ITGA8: variants seen among roughly 807,000 people sequenced by gnomAD.
ITGA8 encodes integrin alpha-8.
In ITGA8, 91 loss-of-function variants were observed where a neutral mutation model predicts 142.3. The ratio of observed to expected loss-of-function variants is 0.64; its 90% CI spans 0.54 to 0.76. The LOEUF is 0.76. Ranked by LOEUF, ITGA8 falls within the 30% of genes least tolerant of loss-of-function variation. ITGA8 has a pLI of 0.00. For synonymous variants in ITGA8, 505 were observed against 485.2 expected (o/e 1.04, Z -0.54); for missense variants, 1,406 against 1,327.7 (o/e 1.06, Z -0.92).
intron 13 of ITGA8, among the ~76,000 whole-genome samples, chr10:15,635,258 A>G (rs1375470105): frequency 6.6e-6 from 1 of 151,756 alleles, no homozygotes; most frequent in Non-Finnish European, 1.5e-5. Flanking sequence ...GCCCGCCTCA[A>G]CCTCCAAAAG....
At chr10:15,610,416 C>T (rs1375446721) in intron 15 of ITGA8, among the ~76,000 whole-genome samples, 1 of 152,126 alleles carries the variant, frequency 6.6e-6, no homozygotes, top group Non-Finnish European at 1.5e-5. Context: ...AAGCTGTAAA[C>T]TTTCATTAAA....
At chr10:15,538,087 C>T (rs1348771554) in intron 27 of ITGA8, among the ~76,000 whole-genome samples, 2 of 152,114 alleles carry the variant, frequency 1.3e-5, no homozygotes, top group African/African-American at 2.4e-5. Flanking sequence ...GATGTGATTG[C>T]ACCACTGCAC....
intron 25 of ITGA8, among the ~76,000 whole-genome samples, chr10:15,570,041 C>G (rs748625405): frequency 1.5e-4 from 23 of 152,092 alleles, no homozygotes; most frequent in Non-Finnish European, 3.4e-4. Context: ...TTAATAAAAG[C>G]TCCTTTAGAC....
At chr10:15,609,733 G>A (rs1057253033) in intron 15 of ITGA8, among the ~76,000 whole-genome samples, 2 of 152,080 alleles carry the variant, frequency 1.3e-5, no homozygotes, top group Non-Finnish European at 2.9e-5. Context: ...TTTGGTGTAT[G>A]TTCAAATCAG....
intron 11 of ITGA8, among the ~76,000 whole-genome samples, chr10:15,654,214 A>G (rs1834142417): frequency 6.6e-6 from 1 of 152,208 alleles, no homozygotes; most frequent in Non-Finnish European, 1.5e-5. Flanking sequence ...ATGTACCAGA[A>G]TTTGTTTACA....
Position 15,719,568 on chromosome 10 carries a change from G to C in ITGA8, c.204C>G (p.Ala68=), listed in dbSNP as rs1230900985. 1.3e-6 allele frequency: 2 copies of C among 1,564,464 alleles called. No individual in the cohort carries two copies. Among genetic ancestry groups the C allele is most frequent in the South Asian group, 2.4e-5 (2 of 85,058 alleles). ...CCCCGGGTCGGGCGACTTACGTGCG[G>C]GCGTCGGGTATGTGGAAGTCCACGG... ...GYAVDFHIPD[A]RTASVLVGAP... is the part of the protein sequence containing the mutation. The change falls in exon 1 of 30, where the codon GCC becomes GCG. Residue 68 remains alanine (A), a synonymous_variant. Coordinates refer to ENST00000378076, the MANE Select transcript of ITGA8 (RefSeq NM_003638.3).
intron 13 of ITGA8, among the ~76,000 whole-genome samples, chr10:15,637,337 C>T (rs1483574055): frequency 1.3e-5 from 2 of 152,064 alleles, no homozygotes; most frequent in Non-Finnish European, 2.9e-5. Context: ...CTAGAAAGTG[C>T]AGGCACACAC....
chr10:15,718,840 C>T lies in ITGA8; in HGVS notation c.269G>A (p.Gly90Glu). The change falls in exon 2 of 30, where the codon GGG becomes GAG. Residue 90 changes from glycine (G) to glutamate (E), a missense_variant. Gly to Glu is a moderately conservative substitution (Grantham distance 98). Coordinates refer to ENST00000378076, the MANE Select transcript of ITGA8 (RefSeq NM_003638.3). ...ANTSQPDIVE[G>E]GAVYYCPWPA... Reference sequence around the variant, plus strand: ...CCAAGGACAGTAATAGACGGCTCCCCCTTCCACGATATCGGGCTGGCTGGT... The same window carrying T: ...CCAAGGACAGTAATAGACGGCTCCCTCTTCCACGATATCGGGCTGGCTGGT... The T allele has an allele frequency of 6.2e-7, 1 of 1,614,176 alleles. No individual in the cohort carries two copies. Among genetic ancestry groups the T allele is most frequent in the Non-Finnish European group, 8.5e-7 (1 of 1,180,036 alleles).
intron 27 of ITGA8, 122 bp downstream of exon 27, chr10:15,548,333 T>G (rs1198156381): frequency 1.5e-6 from 1 of 675,808 alleles, no homozygotes; most frequent in East Asian, 3.1e-5. Context: ...CCTCAAGTAA[T>G]CCATCTGCCT....
In ITGA8 at chr10:15,692,753, A is replaced by T. The variant is rs1834958823; in HGVS notation, c.344-4715T>A. Among the ~76,000 whole-genome samples the T allele has an allele frequency of 2.0e-5, 3 of 152,148 alleles. No homozygotes were observed. The South Asian group carries it at 6.2e-4, about 32-fold the overall frequency. On this transcript the variant is annotated intron_variant, in intron 2 of 29. Transcript: ENST00000378076. ...GGTAGAAACTCAACCCAATTATAAC[A>T]CACTTTAGTTCTTAATAAAAAGCAT... is the stretch of plus-strand genomic sequence containing the variant.
chr10:15,605,979 A>G (rs1171515074), intron 18 of ITGA8, among the ~76,000 whole-genome samples, 188 bp from the exon 19 acceptor site: 1 of 152,204 alleles, frequency 6.6e-6, no homozygotes, highest in Non-Finnish European at 1.5e-5. Flanking sequence ...TAATAGCCCA[A>G]TTCCAATGCA....
At chr10:15,539,640 C>T (rs1833528228) in intron 27 of ITGA8, among the ~76,000 whole-genome samples, 1 of 152,112 alleles carries the variant, frequency 6.6e-6, no homozygotes. Context: ...AGAGGAAAGG[C>T]AGCCTAATTC....
At chr10:15,669,160 C>G (rs1588711239) in intron 8 of ITGA8, among the ~76,000 whole-genome samples, 1 of 152,212 alleles carries the variant, frequency 6.6e-6, no homozygotes, top group Non-Finnish European at 1.5e-5. Context: ...GCACACCAAT[C>G]AGATGTAGAT....
chr10:15,640,224 G>A (rs1366229369), intron 13 of ITGA8, among the ~76,000 whole-genome samples: 4 of 152,168 alleles, frequency 2.6e-5, no homozygotes, highest in African/African-American at 2.4e-5. Context: ...TCTACGGCCC[G>A]TGTTCCACGG....
At chr10:15,525,196 A>G (rs1456429692) in intron 28 of ITGA8, among the ~76,000 whole-genome samples, 1 of 152,030 alleles carries the variant, frequency 6.6e-6, no homozygotes, top group Non-Finnish European at 1.5e-5. Flanking sequence ...TTGAAATATC[A>G]TTTCAAATAA....
rs1442779411 is a variant in ITGA8, at chr10:15,608,414, CA to C, written c.1554-125del. 254 of 592,344 alleles carry C rather than the reference CA, an allele frequency of 4.3e-4. 1 individual carries two copies. In the African/African-American group the frequency reaches 4.5e-3, roughly 11 times the overall value. 36.7% of individuals were successfully genotyped at this position (592,344 alleles called of 1,614,324 possible). A position where few individuals can be genotyped will look rare whatever the true frequency, so the allele number is the denominator to read the frequency against. On this transcript the variant is annotated intron_variant, in intron 15 of 29. Transcript: ENST00000378076. ...ATATATTTCTAATTACACACACACA[CA>C]CACACACACCCACACACACACCCCT... is the stretch of plus-strand genomic sequence containing the variant.
intron 10 of ITGA8, among the ~76,000 whole-genome samples, chr10:15,658,786 T>G (rs1834233026): frequency 6.6e-6 from 1 of 152,184 alleles, no homozygotes; most frequent in African/African-American, 2.4e-5. Flanking sequence ...AACTGTCCCT[T>G]CCTCTCCCTC....
chr10:15,688,349 T>C (rs1834871878), intron 2 of ITGA8, among the ~76,000 whole-genome samples: 1 of 149,320 alleles, frequency 6.7e-6, no homozygotes, highest in South Asian at 2.1e-4. Context: ...CTTATGCCTG[T>C]AGTCCCAGCT....
At chr10:15,657,143 G>T (rs954193139) in intron 10 of ITGA8, among the ~76,000 whole-genome samples, 1 of 152,056 alleles carries the variant, frequency 6.6e-6, no homozygotes, top group Non-Finnish European at 1.5e-5. Context: ...ACCTTCTGAG[G>T]TTCAGGATTA....
Sources: allele counts gnomAD v4.1 joint callset (sites outside exome capture counted in the v4.1 genomes callset), GRCh38; gene constraint gnomAD v4.1.1; transcripts MANE v1.5; gene names NCBI Gene and HGNC (gene_info 2026-07-23, HGNC 2026-07-21).